The following CNTN6 variants were observed in gnomAD, a reference collection of about 807,000 sequenced individuals.
CNTN6 encodes the protein contactin-6.
In CNTN6, 137 loss-of-function variants were observed where a neutral mutation model predicts 122.8. The observed-to-expected ratio is 1.12, with a 90% CI of 0.97 to 1.29. CNTN6 has a LOEUF of 1.29. Ranked by LOEUF, CNTN6 falls within the 50% of genes most tolerant of loss-of-function variation. The pLI is 0.00. For synonymous variants in CNTN6, 570 were observed against 426.0 expected (o/e 1.34, Z -4.16); for missense variants, 1,634 against 1,223.4 (o/e 1.34, Z -5.01).
At position 1,257,134 on chromosome 3, in the gene CNTN6, ACTTTT is replaced by A. The variant is rs559975427; in HGVS notation, c.359-21275_359-21271del. Reference sequence around the variant, plus strand: ...TGTCTAGGTTTATTTGTAAAATCAAACTTTTCTTATCTGTTTATTGGCAATTTAAA... The same window carrying A: ...TGTCTAGGTTTATTTGTAAAATCAAACTTATCTGTTTATTGGCAATTTAAA... On this transcript the variant is annotated intron_variant, in intron 4 of 22. Coordinates refer to ENST00000446702, the MANE Select transcript of CNTN6 (RefSeq NM_001289080.2). 2.9e-3 allele frequency among the ~76,000 whole-genome samples: 440 copies of A among 152,204 alleles called. 1 individual carries two copies. Among genetic ancestry groups the A allele is most frequent in the African/African-American group, 9.4e-3 (392 of 41,546 alleles).
intron 1 of CNTN6, among the ~76,000 whole-genome samples, chr3:1,117,884 A>G (rs576057184): frequency 3.3e-5 from 5 of 152,204 alleles, no homozygotes; most frequent in Non-Finnish European, 5.9e-5. Flanking sequence ...GTGGGTCTAC[A>G]GAGAAACTGA....
chr3:1,276,085 A>G (rs892081025), intron 4 of CNTN6, among the ~76,000 whole-genome samples: 10 of 152,226 alleles, frequency 6.6e-5, no homozygotes, highest in Non-Finnish European at 1.5e-4. Context: ...AAAAACTACA[A>G]TGTGTAATCT....
At chr3:1,335,962 A>T (rs996439220) in intron 11 of CNTN6, among the ~76,000 whole-genome samples, 2 of 152,052 alleles carry the variant, frequency 1.3e-5, no homozygotes, top group Admixed American at 6.6e-5. Flanking sequence ...AGGTGGGAGA[A>T]TAACTTGAGC....
rs1203435407 is a variant in CNTN6, at chr3:1,230,681, AC to A, written c.358+2689del. The stretch of plus-strand genomic sequence containing the variant: ...TTTACAGATTAGAAGCCTGAGGCTC[AC>A]TGATATTGGGGCTTTCTTAAAGTAT... On this transcript the variant is annotated intron_variant, in intron 4 of 22. Transcript: ENST00000446702. Among the ~76,000 whole-genome samples the A allele has an allele frequency of 1.3e-5, 2 of 152,196 alleles. 1 individual carries two copies. The highest frequency in any genetic ancestry group is 1.3e-4 in the Admixed American group (2 of 15,280).
rs539450720 is a variant in CNTN6 at position 1,378,201 on chromosome 3, G to A, written c.2166+1126G>A. Among the ~76,000 whole-genome samples the A allele has an allele frequency of 1.1e-4, 17 of 152,196 alleles. No individual in the cohort carries two copies. The East Asian group carries it at 1.9e-3, about 17-fold the overall frequency. ...ACACATACCCTGCTCCATGTTTAGC[G>A]GAAGTGCAATGCATACCCACTTAGC... On this transcript the variant is annotated intron_variant, in intron 17 of 22. Transcript: ENST00000446702.
At chr3:1,366,471 C>G (rs769406901) in intron 12 of CNTN6, among the ~76,000 whole-genome samples, 1 of 152,068 alleles carries the variant, frequency 6.6e-6, no homozygotes, top group Non-Finnish European at 1.5e-5. Context: ...AATATAGGAT[C>G]TGAGTGGTTT....
chr3:1,340,489 C>T (rs920315992), intron 11 of CNTN6, among the ~76,000 whole-genome samples: 10 of 152,056 alleles, frequency 6.6e-5, no homozygotes, highest in East Asian at 3.9e-4. Flanking sequence ...GGATTTTTAA[C>T]GTAACATACA....
intron 2 of CNTN6, among the ~76,000 whole-genome samples, chr3:1,186,090 C>A (rs1347815816): frequency 6.6e-6 from 1 of 151,896 alleles, no homozygotes; most frequent in Non-Finnish European, 1.5e-5. Flanking sequence ...ATAATATATT[C>A]ACATATAAGT....
intron 7 of CNTN6, among the ~76,000 whole-genome samples, chr3:1,314,909 C>T (rs2125939073): frequency 6.6e-6 from 1 of 152,076 alleles, no homozygotes; most frequent in African/African-American, 2.4e-5. Context: ...ATACAAGGTT[C>T]AAGAATCCCT....
intron 2 of CNTN6, among the ~76,000 whole-genome samples, chr3:1,161,390 A>G (rs1487391417): frequency 6.6e-6 from 1 of 151,122 alleles, no homozygotes; most frequent in Non-Finnish European, 1.5e-5. Context: ...TAAATATTCA[A>G]TAAAACTTAG....
chr3:1,226,954 T>C (rs935000328), intron 3 of CNTN6, among the ~76,000 whole-genome samples: 4 of 152,202 alleles, frequency 2.6e-5, no homozygotes, highest in African/African-American at 7.2e-5. Flanking sequence ...TCATTAGATA[T>C]ATACGATTCA....
intron 8 of CNTN6, 149 bp downstream of exon 8, chr3:1,321,983 G>A (rs548144992): frequency 6.3e-6 from 4 of 632,468 alleles, no homozygotes; most frequent in Non-Finnish European, 1.1e-5. Flanking sequence ...ACAATGATTA[G>A]CAGATGGGAA....
intron 3 of CNTN6, 36 bp from the exon 4 acceptor site, chr3:1,227,782 T>A (rs751520408): frequency 4.4e-6 from 7 of 1,601,628 alleles, no homozygotes; most frequent in Non-Finnish European, 5.1e-6. Context: ...ATTGACTCTG[T>A]ATATTATAAG....
At chr3:1,367,353 A>G (rs1429589813) in intron 12 of CNTN6, among the ~76,000 whole-genome samples, 1 of 151,724 alleles carries the variant, frequency 6.6e-6, no homozygotes, top group Non-Finnish European at 1.5e-5. Flanking sequence ...ACTCTTTACT[A>G]TGCTACTCTC....
At chr3:1,124,722 T>G (rs574708559) in intron 1 of CNTN6, among the ~76,000 whole-genome samples, 1 of 152,032 alleles carries the variant, frequency 6.6e-6, no homozygotes, top group African/African-American at 2.4e-5. Context: ...TCCCTTCCGC[T>G]TCTTCACTCC....
chr3:1,123,242 C>T (rs556691685), intron 1 of CNTN6, among the ~76,000 whole-genome samples: 1 of 151,828 alleles, frequency 6.6e-6, no homozygotes, highest in African/African-American at 2.4e-5. Context: ...GTAGTTAACA[C>T]TGACATCTTA....
In CNTN6 at chr3:1,142,968, G is replaced by GTGTA. The variant is rs1217250181; in HGVS notation, c.-82-4958_-82-4957insGTAT. 8.3e-3 allele frequency among the ~76,000 whole-genome samples: 1,062 copies of GTGTA among 128,540 alleles called. 4 individuals are homozygous for GTGTA. The highest frequency in any genetic ancestry group is 0.012 in the African/African-American group (396 of 32,382). 84.3% of individuals were successfully genotyped at this position (128,540 alleles called of 152,430 possible). On this transcript the variant is annotated intron_variant, in intron 1 of 22. Transcript: ENST00000446702. ...TACATATAAATTTGTGTGTGTGTGTGTATATATATATATATATATATATAT... is the reference window on the plus strand; with the variant it reads ...TACATATAAATTTGTGTGTGTGTGTGTGTATATATATATATATATATATATATAT...
intron 2 of CNTN6, among the ~76,000 whole-genome samples, chr3:1,148,428 T>C (rs545806586): frequency 8.8e-4 from 133 of 151,222 alleles, no homozygotes; most frequent in African/African-American, 3.0e-3. Context: ...TTCATTATAG[T>C]GAAGTCTTTA....
chr3:1,238,817 T>G (rs183874308), intron 4 of CNTN6, among the ~76,000 whole-genome samples: 10 of 152,218 alleles, frequency 6.6e-5, no homozygotes, highest in Admixed American at 6.5e-4. Context: ...TACATGGAAA[T>G]TAAATAATCT....
Sources: allele counts gnomAD v4.1 joint callset (sites outside exome capture counted in the v4.1 genomes callset), GRCh38; gene constraint gnomAD v4.1.1; transcripts MANE v1.5; gene names NCBI Gene and HGNC (gene_info 2026-07-23, HGNC 2026-07-21).